Variants in MACROD1 observed in about 807,000 individuals in gnomAD.
MACROD1 encodes the protein mono-ADP ribosylhydrolase 1.
Under a neutral mutation model 41.4 loss-of-function variants are expected in MACROD1, and 31 were observed. The ratio of observed to expected loss-of-function variants is 0.75; its 90% CI spans 0.56 to 1.01. MACROD1 has a LOEUF of 1.01. MACROD1 is among the 50% of genes least tolerant of loss of function. The pLI, the probability that MACROD1 is intolerant of heterozygous loss-of-function variation, is 0.00. For missense variants in MACROD1, 473 were observed against 460.0 expected (o/e 1.03, Z -0.26); for synonymous variants, 252 against 203.4 (o/e 1.24, Z -2.03).
At chr11:64,156,853 C>A (rs779871827) in intron 1 of MACROD1, among the ~76,000 whole-genome samples, 1 of 152,222 alleles carries the variant, frequency 6.6e-6, no homozygotes, top group South Asian at 2.1e-4. Flanking sequence ...AGAAGGCCAG[C>A]AGGCCAGACA....
chr11:64,117,014 C>A (rs1944997352), intron 3 of MACROD1: 1 of 1,612,682 alleles, frequency 6.2e-7, no homozygotes, highest in Non-Finnish European at 8.5e-7. Context: ...GCCTACAGAA[C>A]CTCACAGAGC....
intron 3 of MACROD1, chr11:64,103,493 T>A (rs1454960628): frequency 6.6e-6 from 1 of 151,392 alleles, no homozygotes; most frequent in Non-Finnish European, 1.5e-5. Context: ...GTGGCAGGAA[T>A]ACAGAGCCTT....
intron 3 of MACROD1, among the ~76,000 whole-genome samples, chr11:64,069,774 C>T (rs370772169): frequency 2.6e-4 from 40 of 152,216 alleles, no homozygotes; most frequent in East Asian, 5.8e-4. Flanking sequence ...AGGAAACCTC[C>T]GCACGCTGCC....
chr11:64,021,714 C>T (rs1943154558), intron 3 of MACROD1, among the ~76,000 whole-genome samples: 1 of 152,012 alleles, frequency 6.6e-6, no homozygotes, highest in East Asian at 2.0e-4. Context: ...TCATTCTCCT[C>T]TTCCCCTTGT....
chr11:64,102,732 C>T (rs1289282091), intron 3 of MACROD1, among the ~76,000 whole-genome samples: 1 of 152,078 alleles, frequency 6.6e-6, no homozygotes, highest in African/African-American at 2.4e-5. Flanking sequence ...GGAGAATAAC[C>T]CCAGCCCCTT....
At chr11:64,134,505 A>G (rs565266639) in intron 3 of MACROD1, among the ~76,000 whole-genome samples, 10 of 152,314 alleles carry the variant, frequency 6.6e-5, no homozygotes, top group East Asian at 1.9e-4. Flanking sequence ...CAGTGGCGGC[A>G]GCAGCCCCGC....
At chr11:64,123,913 G>A (rs1945138725) in intron 3 of MACROD1, among the ~76,000 whole-genome samples, 1 of 152,192 alleles carries the variant, frequency 6.6e-6, no homozygotes, top group South Asian at 2.1e-4. Context: ...TGGGGACGTG[G>A]CAGATATTTT....
At chr11:64,061,104 A>G (rs1227293569) in intron 3 of MACROD1, among the ~76,000 whole-genome samples, 1 of 152,162 alleles carries the variant, frequency 6.6e-6, no homozygotes, top group Admixed American at 6.5e-5. Context: ...TCGCGCTGGA[A>G]GGACTTTGGT....
intron 3 of MACROD1, among the ~76,000 whole-genome samples, chr11:64,084,811 C>A (rs1044623077): frequency 3.3e-5 from 5 of 152,174 alleles, no homozygotes; most frequent in Non-Finnish European, 7.4e-5. Flanking sequence ...AGAACCGTAG[C>A]CCCAAGGTCC....
At chr11:64,007,980 G>A (rs1306771636) in intron 4 of MACROD1, among the ~76,000 whole-genome samples, 2 of 152,272 alleles carry the variant, frequency 1.3e-5, no homozygotes, top group East Asian at 1.9e-4. Context: ...GGCCGGAGCT[G>A]AGCCTTTTCC....
chr11:64,020,676 G>T (rs892982005), intron 3 of MACROD1, among the ~76,000 whole-genome samples: 5 of 151,890 alleles, frequency 3.3e-5, no homozygotes, highest in Non-Finnish European at 5.9e-5. Context: ...TGCTCTCCTG[G>T]GGGGGCCATG....
At chr11:64,028,265 G>A (rs1167942565) in intron 3 of MACROD1, among the ~76,000 whole-genome samples, 3 of 152,220 alleles carry the variant, frequency 2.0e-5, no homozygotes, top group African/African-American at 7.2e-5. Context: ...TGGAGCCGAG[G>A]GGGCCCCTTG....
intron 3 of MACROD1, among the ~76,000 whole-genome samples, chr11:64,150,351 T>C (rs1235693269): frequency 6.6e-6 from 1 of 152,208 alleles, no homozygotes; most frequent in African/African-American, 2.4e-5. Context: ...GAGAAGCTCC[T>C]GGGGGTGCCC....
rs778626651 is a variant in MACROD1, at chr11:64,151,303, A to T, written c.453T>A (p.Asn151Lys). Residue 151 changes from asparagine to lysine, a missense_variant, in exon 3 of 11, where the codon AAT becomes AAA. Transcript: ENST00000255681. ...CGCTGCGGAGCAGGGAGATTTTCTC[A>T]TTGAGCTGCTTGTCCTTTTTATACC... is the stretch of plus-strand genomic sequence containing the variant. ...EPRYKKDKQL[N>K]EKISLLRSDI... is the part of the protein sequence containing the mutation. 1.2e-6 allele frequency: 2 copies of T among 1,613,968 alleles called. No homozygotes were observed. Among genetic ancestry groups the T allele is most frequent in the Non-Finnish European group, 1.7e-6 (2 of 1,180,022 alleles).
chr11:64,154,999 G>A (rs900542321), intron 1 of MACROD1, among the ~76,000 whole-genome samples: 19 of 152,356 alleles, frequency 1.2e-4, no homozygotes, highest in African/African-American at 4.6e-4. Flanking sequence ...AATTACAGGC[G>A]TGAGCCACGG....
At chr11:64,042,739 C>T (rs1943512300) in intron 3 of MACROD1, among the ~76,000 whole-genome samples, 1 of 152,204 alleles carries the variant, frequency 6.6e-6, no homozygotes. Flanking sequence ...TTTCCCACTA[C>T]TTCTGGACAA....
At chr11:63,999,791 CG>C in intron 5 of MACROD1, 28 bp from the exon 6 acceptor site, 1 of 1,592,732 alleles carries the variant, frequency 6.3e-7, no homozygotes. Context: ...GTCAGACCGG[CG>C]GGGGTCTACG....
At chr11:64,021,360 C>T (rs1943149700) in intron 3 of MACROD1, among the ~76,000 whole-genome samples, 1 of 152,224 alleles carries the variant, frequency 6.6e-6, no homozygotes, top group African/African-American at 2.4e-5. Context: ...GGTGCAGGAA[C>T]TGCCTCTGCT....
intron 3 of MACROD1, among the ~76,000 whole-genome samples, chr11:64,024,960 C>G (rs1943205614): frequency 6.6e-6 from 1 of 152,176 alleles, no homozygotes; most frequent in African/African-American, 2.4e-5. Flanking sequence ...AAACCAGAAG[C>G]TATTTTATTG....
Sources: allele counts gnomAD v4.1 joint callset (sites outside exome capture counted in the v4.1 genomes callset), GRCh38; gene constraint gnomAD v4.1.1; transcripts MANE v1.5; gene names NCBI Gene and HGNC (gene_info 2026-07-23, HGNC 2026-07-21).